The following PCMT1 variants were observed in gnomAD, a reference collection of about 807,000 sequenced individuals.
PCMT1 encodes protein-L-isoaspartate(D-aspartate) O-methyltransferase.
A neutral mutation model predicts 29.2 loss-of-function variants in PCMT1; 9 were observed. The observed-to-expected ratio is 0.31, with a 90% CI of 0.19 to 0.54. The LOEUF is 0.54. Among genes scored for constraint, PCMT1 ranks in the 20% least tolerant of loss-of-function variants. The probability of loss-of-function intolerance (pLI) is 0.95; values close to 1 mark genes in which losing one functional copy is unlikely to be tolerated. For missense variants in PCMT1, 184 were observed against 282.2 expected, an observed-to-expected ratio of 0.65 and a Z score of 2.49; for synonymous variants, 98 against 97.5, an observed-to-expected ratio of 1.00 and a Z score of -0.03.
At chr6:149,796,775 C>G (rs1383302260) in intron 6 of PCMT1, 1 of 297,618 alleles carries the variant, frequency 3.4e-6, no homozygotes, top group African/African-American at 2.2e-5. Context: ...GAGTTTATGA[C>G]CTGATAATCA....
chr6:149,782,150 A>G (rs1484075967), intron 3 of PCMT1, among the ~76,000 whole-genome samples: 1 of 152,226 alleles, frequency 6.6e-6, no homozygotes. Flanking sequence ...CTATGTATGT[A>G]TATAGTCACA....
chr6:149,786,166 A>ACCCC (rs1393022428), intron 3 of PCMT1, among the ~76,000 whole-genome samples: 1 of 52,218 alleles, frequency 1.9e-5, no homozygotes, highest in African/African-American at 1.9e-4. Flanking sequence ...CGGGGGGCTG[A>ACCCC]CCCCCCAACC....
chr6:149,762,520 T>C lies in PCMT1; in HGVS notation c.56-8642T>C, dbSNP rs1348648444. On this transcript the variant is annotated intron_variant, in intron 1 of 7. Coordinates refer to ENST00000464889, the MANE Select transcript of PCMT1 (RefSeq NM_001360452.2). ...CTATGATATATATATATATCTATGATATATATATCTATGATATATATATCT... is the reference window on the plus strand; with the variant it reads ...CTATGATATATATATATATCTATGACATATATATCTATGATATATATATCT... Among the ~76,000 whole-genome samples the C allele has an allele frequency of 1.0e-4, 3 of 28,994 alleles. 1 individual carries two copies. The African/African-American group carries it at 2.3e-3, about 23-fold the overall frequency. 19.0% of individuals were successfully genotyped at this position (28,994 alleles called of 152,430 possible). A position where few individuals can be genotyped will look rare whatever the true frequency, so the allele number is the denominator to read the frequency against.
intron 1 of PCMT1, among the ~76,000 whole-genome samples, chr6:149,750,478 C>G (rs1021191664): frequency 6.6e-6 from 1 of 152,160 alleles, no homozygotes; most frequent in Non-Finnish European, 1.5e-5. Context: ...GAGATGCCAC[C>G]GTCTGATACA....
At chr6:149,756,938 T>G (rs922970948) in intron 1 of PCMT1, among the ~76,000 whole-genome samples, 3 of 151,972 alleles carry the variant, frequency 2.0e-5, no homozygotes, top group African/African-American at 7.2e-5. Context: ...GTGGATCACC[T>G]GAGGTCAGGG....
chr6:149,771,590 C>G (rs1453795244), intron 2 of PCMT1, among the ~76,000 whole-genome samples: 1 of 152,194 alleles, frequency 6.6e-6, no homozygotes, highest in East Asian at 1.9e-4. Flanking sequence ...AATATCGGCT[C>G]ACTGCAACCT....
chr6:149,762,823 G>T (rs1176441202), intron 1 of PCMT1, among the ~76,000 whole-genome samples: 1 of 45,204 alleles, frequency 2.2e-5, no homozygotes, highest in Non-Finnish European at 3.0e-5. Context: ...GATAATCTAT[G>T]ATATATATGA....
At chr6:149,750,231 G>T in intron 1 of PCMT1, 1 of 538,376 alleles carries the variant, frequency 1.9e-6, no homozygotes, top group Non-Finnish European at 3.3e-6. Flanking sequence ...CCCTGGGGGA[G>T]GGAGTGCAGT....
At chr6:149,779,752 C>T (rs1270178741) in intron 3 of PCMT1, among the ~76,000 whole-genome samples, 1 of 151,664 alleles carries the variant, frequency 6.6e-6, no homozygotes, top group East Asian at 1.9e-4. Flanking sequence ...GTGCAGGTTG[C>T]AGTGAGCCAA....
chr6:149,787,479 G>C (rs920203299), intron 3 of PCMT1, among the ~76,000 whole-genome samples: 12 of 151,380 alleles, frequency 7.9e-5, no homozygotes, highest in African/African-American at 2.4e-5. Context: ...CGATTCTCCT[G>C]CTTCAGCTTC....
chr6:149,783,818 G>A (rs1787914447), intron 3 of PCMT1, among the ~76,000 whole-genome samples: 1 of 152,234 alleles, frequency 6.6e-6, no homozygotes, highest in Middle Eastern at 3.4e-3. Context: ...GCCTCCCAAG[G>A]AGCTGGGACT....
chr6:149,793,257 T>A (rs1788450417), intron 4 of PCMT1, among the ~76,000 whole-genome samples: 2 of 152,160 alleles, frequency 1.3e-5, no homozygotes, highest in Non-Finnish European at 2.9e-5. Flanking sequence ...AATAAAAAAT[T>A]ATTGTACTAC....
chr6:149,752,040 T>TTTTTTA (rs1554250338), intron 1 of PCMT1, among the ~76,000 whole-genome samples: 1 of 149,860 alleles, frequency 6.7e-6, no homozygotes, highest in Non-Finnish European at 1.5e-5. Context: ...TTTAGGGTTT[T>TTTTTTA]TTTTTTTTTT....
At position 149,765,460 on chromosome 6, in the gene PCMT1, T is replaced by C. The variant is rs570960611; in HGVS notation, c.56-5702T>C. On this transcript the variant is annotated intron_variant, in intron 1 of 7. Coordinates refer to ENST00000464889, the MANE Select transcript of PCMT1 (RefSeq NM_001360452.2). ...GCTTCTTCGGGTAGAAATAATATTTTCTATTTGGGTAATTTATCCAAAATT... is the reference window on the plus strand; with the variant it reads ...GCTTCTTCGGGTAGAAATAATATTTCCTATTTGGGTAATTTATCCAAAATT... 2.6e-5 allele frequency among the ~76,000 whole-genome samples: 4 copies of C among 152,094 alleles called. No homozygotes were observed. The South Asian group carries it at 8.3e-4, about 31-fold the overall frequency.
chr6:149,766,458 A>G (rs577574529), intron 1 of PCMT1, among the ~76,000 whole-genome samples: 3 of 152,366 alleles, frequency 2.0e-5, no homozygotes, highest in Admixed American at 6.5e-5. Flanking sequence ...TAAGAATACA[A>G]TTTGAAAAAT....
intron 4 of PCMT1, among the ~76,000 whole-genome samples, chr6:149,790,516 C>CTTTTT (rs80356200): frequency 5.1e-5 from 7 of 137,212 alleles, no homozygotes; most frequent in Non-Finnish European, 7.9e-5. Context: ...GTTTTCTTTT[C>CTTTTT]TTTTTTTTTT....
chr6:149,791,886 T>C (rs1399492089), intron 4 of PCMT1, among the ~76,000 whole-genome samples: 2 of 152,236 alleles, frequency 1.3e-5, no homozygotes, highest in Admixed American at 1.3e-4. Context: ...GCATTAATGT[T>C]TTTCACACAT....
In PCMT1 at chr6:149,762,766, G is replaced by GAT. The variant is rs1157118149; in HGVS notation, c.56-8386_56-8385dup. Among the ~76,000 whole-genome samples, 3 of 42,220 alleles carry GAT rather than the reference G, an allele frequency of 7.1e-5. 1 individual carries two copies. Among genetic ancestry groups the GAT allele is most frequent in the African/African-American group, 5.1e-4 (2 of 3,924 alleles). The allele number at this position is 42,220 out of a possible 152,430, so 27.7% of individuals were successfully genotyped here. A position where few individuals can be genotyped will look rare whatever the true frequency, so the allele number is the denominator to read the frequency against. Reference sequence around the variant, plus strand: ...ATATATCTATGATATATATACCTATGATATATATATACCTATGATATATAT... The same window carrying GAT: ...ATATATCTATGATATATATACCTATGATATATATATATACCTATGATATATAT... On this transcript the variant is annotated intron_variant, in intron 1 of 7. Transcript: ENST00000464889.
At chr6:149,750,597 C>T (rs1250121396) in intron 1 of PCMT1, among the ~76,000 whole-genome samples, 1 of 152,156 alleles carries the variant, frequency 6.6e-6, no homozygotes, top group Non-Finnish European at 1.5e-5. Flanking sequence ...ACAGGGGATG[C>T]TGTTCCTGAG....
Sources: allele counts gnomAD v4.1 joint callset (sites outside exome capture counted in the v4.1 genomes callset), GRCh38; gene constraint gnomAD v4.1.1; transcripts MANE v1.5; gene names NCBI Gene and HGNC (gene_info 2026-07-23, HGNC 2026-07-21).